Variants in UPP2 observed in about 807,000 individuals in gnomAD.
The protein encoded by UPP2 is UPase 2.
Under a neutral mutation model 26.7 loss-of-function variants are expected in UPP2, and 23 were observed. The ratio of observed to expected loss-of-function variants is 0.86; its 90% CI spans 0.62 to 1.22. The LOEUF is 1.22. Ranked by LOEUF, UPP2 falls within the 50% of genes most tolerant of loss-of-function variation. UPP2 has a pLI of 0.00. For missense variants in UPP2, 387 were observed against 396.7 expected (o/e 0.98, Z 0.21); for synonymous variants, 127 against 141.3 (o/e 0.90, Z 0.72).
intron 3 of UPP2, among the ~76,000 whole-genome samples, chr2:158,045,171 T>C (rs965304704): frequency 6.6e-6 from 1 of 152,130 alleles, no homozygotes; most frequent in African/African-American, 2.4e-5. Context: ...GGAGGAATTT[T>C]CAAAATCCCT....
chr2:158,006,678 C>G (rs740552), intron 2 of UPP2, among the ~76,000 whole-genome samples: 5 of 152,130 alleles, frequency 3.3e-5, no homozygotes, highest in Non-Finnish European at 5.9e-5. Flanking sequence ...ACTTCCAAGA[C>G]TCACTTGTTT....
chr2:158,031,290 C>T (rs1193780420), intron 3 of UPP2, among the ~76,000 whole-genome samples: 1 of 152,146 alleles, frequency 6.6e-6, no homozygotes, highest in Admixed American at 6.5e-5. Context: ...CACGTAAGGT[C>T]CTGTGGCTAC....
At chr2:158,009,482 A>C (rs1219298864) in intron 2 of UPP2, among the ~76,000 whole-genome samples, 2 of 152,216 alleles carry the variant, frequency 1.3e-5, no homozygotes, top group Admixed American at 6.5e-5. Flanking sequence ...GCCAAGACGC[A>C]CATTTTCTGA....
intron 3 of UPP2, among the ~76,000 whole-genome samples, chr2:158,058,709 A>G (rs1208762686): frequency 6.6e-6 from 1 of 152,120 alleles, no homozygotes; most frequent in Non-Finnish European, 1.5e-5. Context: ...TGGCACTATA[A>G]GATGCTCCAG....
At chr2:158,042,723 G>A (rs1299485211) in intron 3 of UPP2, among the ~76,000 whole-genome samples, 1 of 152,150 alleles carries the variant, frequency 6.6e-6, no homozygotes, top group East Asian at 1.9e-4. Flanking sequence ...AGGCCTTTTT[G>A]AATGTACTTT....
At position 158,115,096 on chromosome 2, in the gene UPP2, AAC is replaced by A; in HGVS notation, c.181-3_181-2del. 2.5e-6 allele frequency: 4 copies of A among 1,592,410 alleles called. No homozygotes were observed. The highest frequency in any genetic ancestry group is 1.1e-5 in the South Asian group (1 of 88,640). ...TGGCAGGCCCTTGTTTATTTTTATT[AAC>A]AGTTTGTCTGTGTCGGTGGGAGCCC... On this transcript the variant is annotated splice_region_variant and splice_polypyrimidine_tract_variant and intron_variant, in intron 2 of 6. Transcript: ENST00000005756.
chr2:158,017,239 T>C (rs1197096734), intron 3 of UPP2, among the ~76,000 whole-genome samples: 1 of 152,212 alleles, frequency 6.6e-6, no homozygotes, highest in Non-Finnish European at 1.5e-5. Context: ...TCTATGATTT[T>C]AAGTGAGTTG....
At chr2:158,059,077 C>T (rs1304982574) in intron 3 of UPP2, among the ~76,000 whole-genome samples, 1 of 152,184 alleles carries the variant, frequency 6.6e-6, no homozygotes, top group Non-Finnish European at 1.5e-5. Flanking sequence ...GCTACTGATT[C>T]TCAGCCATTG....
At chr2:158,109,207 G>T (rs1226345650) in intron 2 of UPP2, among the ~76,000 whole-genome samples, 2 of 152,014 alleles carry the variant, frequency 1.3e-5, no homozygotes, top group African/African-American at 2.4e-5. Flanking sequence ...TCTTCACAGA[G>T]ATGATAATCA....
In UPP2 at chr2:158,124,003, G is replaced by A. The variant is rs1040365369; in HGVS notation, c.811+108G>A. ...CAGCTATATATTACCTTGGGCTGAA[G>A]GCATGACTTATAATTGTATATAATA... On this transcript the variant is annotated intron_variant, in intron 6 of 6. Transcript: ENST00000005756. The A allele has an allele frequency of 6.5e-6, 8 of 1,234,926 alleles. No individual in the cohort carries two copies. In the African/African-American group the frequency reaches 1.1e-4, roughly 16 times the overall value. The allele number at this position is 1,234,926 out of a possible 1,614,324, so 76.5% of individuals were successfully genotyped here.
chr2:158,070,656 A>C (rs1409260806), intron 3 of UPP2, among the ~76,000 whole-genome samples: 1 of 152,194 alleles, frequency 6.6e-6, no homozygotes. Context: ...CCCCCAAAGG[A>C]ACACAAAATT....
intron 2 of UPP2, among the ~76,000 whole-genome samples, chr2:157,996,386 T>C (rs2105459345): frequency 6.6e-6 from 1 of 152,348 alleles, no homozygotes; most frequent in African/African-American, 2.4e-5. Context: ...TTCTCTCACA[T>C]ATTTCCCTAG....
upstream of UPP2, among the ~76,000 whole-genome samples, chr2:158,098,089 C>T (rs1266550326): frequency 6.6e-6 from 1 of 152,048 alleles, no homozygotes; most frequent in Non-Finnish European, 1.5e-5. Context: ...TGGACTTGAA[C>T]ACGGAGATTG....
In UPP2 at chr2:157,997,633, G is replaced by A. The variant is rs115583315; in HGVS notation, c.61+2374G>A. ...TAATTCAAAGCATGTACCACATCCT[G>A]TTAAGACAGAATATCATCCTTTTAA... On this transcript the variant is annotated intron_variant, in intron 2 of 9. Transcript: ENST00000605860. 8.7e-3 allele frequency among the ~76,000 whole-genome samples: 1,322 copies of A among 152,258 alleles called. 24 individuals are homozygous for A. The highest frequency in any genetic ancestry group is 0.03 in the African/African-American group (1,254 of 41,534).
intron 3 of UPP2, among the ~76,000 whole-genome samples, chr2:158,063,368 T>G (rs888318731): frequency 2.0e-5 from 3 of 152,200 alleles, no homozygotes; most frequent in Non-Finnish European, 2.9e-5. Context: ...TGACAGAAAG[T>G]AGGTACTCAA....
chr2:158,091,966 T>A (rs1418049670), intron 3 of UPP2, among the ~76,000 whole-genome samples: 3 of 148,410 alleles, frequency 2.0e-5, no homozygotes, highest in Non-Finnish European at 3.0e-5. Context: ...AGATACAGGG[T>A]GGAGTAAATA....
chr2:158,027,123 A>G (rs2105153327), intron 3 of UPP2, among the ~76,000 whole-genome samples: 1 of 152,280 alleles, frequency 6.6e-6, no homozygotes, highest in Admixed American at 6.5e-5. Context: ...ATGTCCTCAC[A>G]TTTCAAAACC....
At chr2:158,088,683 G>A (rs1451922995) in intron 3 of UPP2, among the ~76,000 whole-genome samples, 2 of 152,200 alleles carry the variant, frequency 1.3e-5, no homozygotes, top group African/African-American at 2.4e-5. Context: ...CTCCCTTGAT[G>A]TGTTGCTCTC....
At chr2:158,058,521 A>G (rs1682299755) in intron 3 of UPP2, among the ~76,000 whole-genome samples, 1 of 151,816 alleles carries the variant, frequency 6.6e-6, no homozygotes, top group Non-Finnish European at 1.5e-5. Context: ...CTAGGAAGAC[A>G]GGCCTCTCCA....
Sources: gnomAD v4.1 joint callset for allele counts (sites outside exome capture counted in the v4.1 genomes callset) on GRCh38, gnomAD v4.1.1 for gene constraint, MANE v1.5 for transcripts, NCBI Gene and HGNC (gene_info 2026-07-23, HGNC 2026-07-21) for gene names.